The following ANO6 variants were observed in gnomAD, a reference collection of about 807,000 sequenced individuals.
ANO6 encodes the protein anoctamin-6.
Under a neutral mutation model 117.5 loss-of-function variants are expected in ANO6, and 106 were observed. That is an observed-to-expected ratio of 0.90 (90% CI 0.77 to 1.06). ANO6 has a LOEUF of 1.06. ANO6 is among the 50% of genes least tolerant of loss of function. The pLI is 0.00. For synonymous variants in ANO6, 367 were observed against 385.1 expected, an observed-to-expected ratio of 0.95 and a Z score of 0.55; for missense variants, 955 against 1,121.1, an observed-to-expected ratio of 0.85 and a Z score of 2.12.
intron 1 of ANO6, among the ~76,000 whole-genome samples, chr12:45,299,990 G>C (rs1280712307): frequency 6.6e-6 from 1 of 152,130 alleles, no homozygotes; most frequent in African/African-American, 2.4e-5. Context: ...CAATCACATA[G>C]AGATCTCTTA....
chr12:45,216,993 G>C (rs993560128), intron 1 of ANO6, among the ~76,000 whole-genome samples: 9 of 152,204 alleles, frequency 5.9e-5, no homozygotes, highest in Non-Finnish European at 1.0e-4. Context: ...CCCAGGCAGG[G>C]AGGACCGCAG....
At chr12:45,381,672 A>G (rs1942171809) in intron 10 of ANO6, among the ~76,000 whole-genome samples, 1 of 152,180 alleles carries the variant, frequency 6.6e-6, no homozygotes. Context: ...AAGGCTGAGG[A>G]TTTGCTAACA....
At chr12:45,228,441 G>A (rs1450841535) in intron 1 of ANO6, among the ~76,000 whole-genome samples, 1 of 151,878 alleles carries the variant, frequency 6.6e-6, no homozygotes, top group Non-Finnish European at 1.5e-5. Context: ...ACCTGCCCAA[G>A]CAGTTCTAAT....
chr12:45,323,038 C>G (rs1420614874), intron 2 of ANO6, among the ~76,000 whole-genome samples: 1 of 152,194 alleles, frequency 6.6e-6, no homozygotes, highest in Non-Finnish European at 1.5e-5. Context: ...TTTCTTCCTC[C>G]TACCTTCTCT....
intron 1 of ANO6, among the ~76,000 whole-genome samples, chr12:45,238,491 A>G (rs1947684474): frequency 1.3e-5 from 2 of 152,122 alleles, no homozygotes; most frequent in Admixed American, 1.3e-4. Flanking sequence ...GTCATCTACA[A>G]ACAGGGACAG....
Position 45,439,873 on chromosome 12 carries a change from TTC to T in ANO6, c.2727_2728del (p.Phe911ProfsTer66), listed in dbSNP as rs1411211159. 1.3e-6 allele frequency: 2 copies of T among 1,533,116 alleles called. No individual in the cohort carries two copies. The highest frequency in any genetic ancestry group is 4.1e-5 in the Admixed American group (2 of 48,840). 95.0% of individuals were successfully genotyped at this position (1,533,116 alleles called of 1,614,324 possible). The stretch of plus-strand genomic sequence containing the variant: ...AATATCTATTTTCTTTTCTGTTACT[TTC>T]TTTTTCCTTCTACTTTCTTTGGGGC... On this transcript the variant is annotated frameshift_variant, in exon 20 of 20. Transcript: ENST00000425752. LOFTEE classifies it high-confidence loss of function.
intron 1 of ANO6, among the ~76,000 whole-genome samples, chr12:45,246,825 C>T (rs1374485415): frequency 1.4e-5 from 2 of 146,032 alleles, no homozygotes; most frequent in African/African-American, 2.6e-5. Context: ...AGCGCAGTGG[C>T]GCTGTCTCGG....
Position 45,347,656 on chromosome 12 carries a change from G to A in ANO6, c.346-372G>A, listed in dbSNP as rs148135217. On this transcript the variant is annotated intron_variant, in intron 4 of 19. Transcript: ENST00000320560. ...GAACAGATAGACAATAAGTTCATTCGAGGTTTAGAAAATTAAAAATTTTTC... is the reference window on the plus strand; with the variant it reads ...GAACAGATAGACAATAAGTTCATTCAAGGTTTAGAAAATTAAAAATTTTTC... The A allele has an allele frequency of 5.7e-4, 125 of 218,324 alleles. No individual in the cohort carries two copies. In the East Asian group the frequency reaches 0.012, roughly 22 times the overall value. The allele number at this position is 218,324 out of a possible 1,614,324, so 13.5% of individuals were successfully genotyped here.
intron 2 of ANO6, among the ~76,000 whole-genome samples, chr12:45,314,007 T>A (rs1051273052): frequency 3.9e-5 from 6 of 152,070 alleles, no homozygotes; most frequent in African/African-American, 1.2e-4. Context: ...CTCAGGCTCC[T>A]GCATCATCTT....
At chr12:45,359,341 A>G (rs1044659341) in intron 8 of ANO6, among the ~76,000 whole-genome samples, 1 of 152,226 alleles carries the variant, frequency 6.6e-6, no homozygotes, top group African/African-American at 2.4e-5. Flanking sequence ...TGTGTAAACA[A>G]TTCAGGTGTT....
At chr12:45,281,434 A>G (rs1056480978) in intron 1 of ANO6, among the ~76,000 whole-genome samples, 1 of 152,220 alleles carries the variant, frequency 6.6e-6, no homozygotes, top group Admixed American at 6.5e-5. Flanking sequence ...CTATACAGGA[A>G]GTGCACTGTT....
intron 1 of ANO6, among the ~76,000 whole-genome samples, chr12:45,282,556 G>C (rs1284519738): frequency 6.6e-6 from 1 of 152,164 alleles, no homozygotes; most frequent in Non-Finnish European, 1.5e-5. Context: ...TGGGCATTAG[G>C]TTTAGCAGCA....
In ANO6 at chr12:45,416,080, T is replaced by C. The variant is rs182398910; in HGVS notation, c.2012-619T>C. ...TTATTATGACCACAAGGACTGCAACTAACTTCAAGATTCTTAAGGAAGGAT... is the reference window on the plus strand; with the variant it reads ...TTATTATGACCACAAGGACTGCAACCAACTTCAAGATTCTTAAGGAAGGAT... On this transcript the variant is annotated intron_variant, in intron 16 of 19. Transcript: ENST00000320560. 3.5e-4 allele frequency among the ~76,000 whole-genome samples: 54 copies of C among 152,318 alleles called. No individual in the cohort carries two copies. In the East Asian group the frequency reaches 9.6e-3, roughly 27 times the overall value.
intron 1 of ANO6, among the ~76,000 whole-genome samples, chr12:45,241,852 C>G (rs191028962): frequency 1.3e-5 from 2 of 152,262 alleles, no homozygotes; most frequent in South Asian, 2.1e-4. Context: ...CACTCCAGAC[C>G]CTGTTTGCCT....
rs572859249 is a variant in ANO6, at chr12:45,417,211, G to A, written c.2217+307G>A. The stretch of plus-strand genomic sequence containing the variant: ...TTTTAATCCTCACATAACTATAAAA[G>A]GAGTTATCAGAAAATGTTTTTTTTA... On this transcript the variant is annotated intron_variant, in intron 17 of 19. Coordinates refer to ENST00000320560, the MANE Select transcript of ANO6 (RefSeq NM_001025356.3). Among the ~76,000 whole-genome samples the A allele has an allele frequency of 1.6e-4, 24 of 152,240 alleles. No homozygotes were observed. The South Asian group carries it at 4.8e-3, about 30-fold the overall frequency.
intron 7 of ANO6, among the ~76,000 whole-genome samples, chr12:45,351,800 G>A (rs747894632): frequency 1.4e-4 from 21 of 152,264 alleles, no homozygotes; most frequent in African/African-American, 2.4e-4. Flanking sequence ...CAGGAGCGCC[G>A]AAAAGAGTTT....
In ANO6 at chr12:45,429,790, A is replaced by T; in HGVS notation, c.*479A>T. The T allele has an allele frequency of 1.0e-6, 1 of 997,230 alleles. No homozygotes were observed. Among genetic ancestry groups the T allele is most frequent in the Non-Finnish European group, 1.2e-6 (1 of 836,540 alleles). 61.8% of individuals were successfully genotyped at this position (997,230 alleles called of 1,614,324 possible). On this transcript the variant is annotated 3_prime_UTR_variant, in exon 20 of 20. Transcript: ENST00000320560. ...ATTTAATAGCTTTCATGTGATTAAA[A>T]ATAGCTAACTAGACTCAAGGATTCA...
intron 2 of ANO6, among the ~76,000 whole-genome samples, chr12:45,325,320 C>T (rs369062921): frequency 4.1e-4 from 63 of 152,228 alleles, no homozygotes; most frequent in Admixed American, 9.8e-4. Context: ...CCTCAGGAGA[C>T]GGTACAAACT....
chr12:45,383,562 C>G (rs1942221161), intron 10 of ANO6, among the ~76,000 whole-genome samples: 2 of 146,398 alleles, frequency 1.4e-5, no homozygotes, highest in African/African-American at 5.3e-5. Context: ...TGTAAAAGGA[C>G]TCCTTGATCT....
Sources: allele counts gnomAD v4.1 joint callset (sites outside exome capture counted in the v4.1 genomes callset), GRCh38; gene constraint gnomAD v4.1.1; transcripts MANE v1.5; gene names NCBI Gene and HGNC (gene_info 2026-07-23, HGNC 2026-07-21).